Variants in HSPA4L observed in about 807,000 individuals in gnomAD.
The protein encoded by HSPA4L is heat shock protein family A (Hsp70) member 4 like.
HSPA4L carries 48 observed loss-of-function variants against 100.3 expected under a neutral mutation model. That is an observed-to-expected ratio of 0.48 (90% CI 0.38 to 0.61). The LOEUF is 0.61. HSPA4L is among the 20% of genes least tolerant of loss of function. The pLI is 0.00. For synonymous variants in HSPA4L, 319 were observed against 328.2 expected, an observed-to-expected ratio of 0.97 and a Z score of 0.30; for missense variants, 886 against 988.6, an observed-to-expected ratio of 0.90 and a Z score of 1.39.
At chr4:127,826,015 G>A (rs1315030686) in intron 16 of HSPA4L, among the ~76,000 whole-genome samples, 3 of 151,940 alleles carry the variant, frequency 2.0e-5, no homozygotes, top group Non-Finnish European at 4.4e-5. Context: ...TTCCTATTAT[G>A]GATTCTTCTG....
Position 127,836,770 on chromosome 4 carries a change from ATT to A in HSPA4L, c.*3898_*3899del, listed in dbSNP as rs1205992366. 2 of 152,152 alleles carry A rather than the reference ATT, an allele frequency of 1.3e-5. No individual in the cohort carries two copies. The highest frequency in any genetic ancestry group is 2.9e-5 in the Non-Finnish European group (2 of 68,032). The allele number at this position is 152,152 out of a possible 1,614,324, so 9.4% of individuals were successfully genotyped here. The stretch of plus-strand genomic sequence containing the variant: ...TACAACCATTCCTCCACTTTCATAA[ATT>A]TGACAAATAATAAGCCTCTCCCATT... On this transcript the variant is annotated 3_prime_UTR_variant, in exon 19 of 19. Transcript: ENST00000296464.
chr4:127,804,136 C>T, intron 8 of HSPA4L, 49 bp downstream of exon 8: 1 of 1,375,612 alleles, frequency 7.3e-7, no homozygotes, highest in Non-Finnish European at 1.0e-6. Flanking sequence ...ATGTTGCCTA[C>T]TTAGCGGGGG....
chr4:127,816,061 A>G (rs1478971479), intron 12 of HSPA4L, among the ~76,000 whole-genome samples: 1 of 152,192 alleles, frequency 6.6e-6, no homozygotes, highest in Admixed American at 6.5e-5. Context: ...AGGAAAAAAA[A>G]TGAAATTGAG....
chr4:127,801,324 A>G, intron 5 of HSPA4L, 87 bp downstream of exon 5: 2 of 925,050 alleles, frequency 2.2e-6, no homozygotes, highest in Non-Finnish European at 3.2e-6. Flanking sequence ...ATTTTTTTTT[A>G]ACTCCAAGGC....
intron 1 of HSPA4L, among the ~76,000 whole-genome samples, chr4:127,793,581 A>G (rs759704250): frequency 1.3e-5 from 2 of 152,232 alleles, no homozygotes; most frequent in Non-Finnish European, 2.9e-5. Context: ...AATGTTTACT[A>G]TGTGCCAATT....
intron 11 of HSPA4L, among the ~76,000 whole-genome samples, chr4:127,810,332 C>A (rs1733489276): frequency 6.6e-6 from 1 of 152,076 alleles, no homozygotes; most frequent in Non-Finnish European, 1.5e-5. Context: ...TTATATAAAG[C>A]AGTAAAATTA....
At chr4:127,827,165 C>T in intron 16 of HSPA4L, 140 bp from the exon 17 acceptor site, 1 of 641,770 alleles carries the variant, frequency 1.6e-6, no homozygotes, top group Non-Finnish European at 2.6e-6. Context: ...CTGTAACTTG[C>T]TTCCATACAG....
intron 16 of HSPA4L, among the ~76,000 whole-genome samples, chr4:127,827,081 GA>G (rs1733966926): frequency 6.6e-6 from 1 of 152,134 alleles, no homozygotes; most frequent in African/African-American, 2.4e-5. Context: ...GAGAAGCTAA[GA>G]AGTAATCTTA....
rs1421894844 is a variant in HSPA4L at position 127,805,179 on chromosome 4, C to A, written c.1092C>A (p.Thr364=). Reference sequence around the variant, plus strand: ...AATTCTTTCTTAAAGACATAAGTACCACATTAAATGCTGATGAAGCTGTTG... The same window carrying A: ...AATTCTTTCTTAAAGACATAAGTACAACATTAAATGCTGATGAAGCTGTTG... The part of the protein sequence containing the change: ...ITKFFLKDIS[T]TLNADEAVAR... The change falls in exon 9 of 19, where the codon ACC becomes ACA. Residue 364 remains threonine, a synonymous_variant. Coordinates refer to ENST00000296464, the MANE Select transcript of HSPA4L (RefSeq NM_014278.4). 6.2e-7 allele frequency: 1 copy of A among 1,611,404 alleles called. No individual in the cohort carries two copies.
Position 127,792,113 on chromosome 4 carries a change from A to G in HSPA4L, c.108-1964A>G, listed in dbSNP as rs551804404. 5.3e-5 allele frequency among the ~76,000 whole-genome samples: 8 copies of G among 152,322 alleles called. No individual in the cohort carries two copies. In the South Asian group the frequency reaches 1.7e-3, roughly 32 times the overall value. ...CACTGCTCTGGAATATTGCCTCTCC[A>G]GTTTGTATTATGTATCAGTATGTAG... On this transcript the variant is annotated intron_variant, in intron 1 of 18. Transcript: ENST00000296464.
At chr4:127,829,274 G>GT (rs767364242) in intron 17 of HSPA4L, among the ~76,000 whole-genome samples, 1 of 152,100 alleles carries the variant, frequency 6.6e-6, no homozygotes, top group Non-Finnish European at 1.5e-5. Flanking sequence ...GAAAATAGGG[G>GT]TAAGTGTAGC....
At chr4:127,826,800 C>T (rs1341373578) in intron 16 of HSPA4L, among the ~76,000 whole-genome samples, 6 of 151,994 alleles carry the variant, frequency 3.9e-5, no homozygotes, top group Admixed American at 6.6e-5. Flanking sequence ...CTCCTTAATC[C>T]AAGACATGTA....
intron 12 of HSPA4L, among the ~76,000 whole-genome samples, chr4:127,812,448 T>C (rs1733560212): frequency 6.6e-6 from 1 of 151,878 alleles, no homozygotes; most frequent in Non-Finnish European, 1.5e-5. Flanking sequence ...TTTTTAACTT[T>C]ATTAAAGAGT....
At chr4:127,824,195 A>G (rs1247053090) in intron 16 of HSPA4L, among the ~76,000 whole-genome samples, 1 of 152,202 alleles carries the variant, frequency 6.6e-6, no homozygotes, top group Non-Finnish European at 1.5e-5. Context: ...AAGGCTGAAT[A>G]GTATTCCGTT....
In HSPA4L at chr4:127,812,700, T is replaced by A. The variant is rs185082030; in HGVS notation, c.1578+1064T>A. On this transcript the variant is annotated intron_variant, in intron 12 of 18. Coordinates refer to ENST00000296464, the MANE Select transcript of HSPA4L (RefSeq NM_014278.4). ...TTTTGTAGCCCAGAGGTCCTTTATT[T>A]TTTTTTTTTTTTAACACCTATGCCA... 5,072 of 821,804 alleles carry A rather than the reference T, an allele frequency of 6.2e-3. 126 individuals carry two copies. The African/African-American group carries it at 0.078, about 13-fold the overall frequency. The allele number at this position is 821,804 out of a possible 1,614,324, so 50.9% of individuals were successfully genotyped here.
At position 127,833,130 on chromosome 4, in the gene HSPA4L, G is replaced by T; in HGVS notation, c.*256G>T. The T allele has an allele frequency of 3.3e-6, 1 of 307,484 alleles. No individual in the cohort carries two copies. Among genetic ancestry groups the T allele is most frequent in the Non-Finnish European group, 5.9e-6 (1 of 169,190 alleles). The allele number at this position is 307,484 out of a possible 1,614,324, so 19.0% of individuals were successfully genotyped here. A position where few individuals can be genotyped will look rare whatever the true frequency, so the allele number is the denominator to read the frequency against. On this transcript the variant is annotated 3_prime_UTR_variant, in exon 19 of 19. Transcript: ENST00000296464. ...ATAATTTTATATATCAAACATACAG[G>T]ATGGATACATAGTTGGCAACAGTCT... is the stretch of plus-strand genomic sequence containing the variant.
rs1003758083 is a variant in HSPA4L at position 127,835,449 on chromosome 4, C to G, written c.*2575C>G. 6.6e-6 allele frequency: 1 copy of G among 152,220 alleles called. No homozygotes were observed. Among genetic ancestry groups the G allele is most frequent in the Non-Finnish European group, 1.5e-5 (1 of 68,044 alleles). 9.4% of individuals were successfully genotyped at this position (152,220 alleles called of 1,614,324 possible). A position where few individuals can be genotyped will look rare whatever the true frequency, so the allele number is the denominator to read the frequency against. On this transcript the variant is annotated 3_prime_UTR_variant, in exon 19 of 19. Transcript: ENST00000296464. ...AGGCGCTGTGGCTCACGCCTGTAATCCTAGCACTTTGGGAGGCCAAGGCAG... is the reference window on the plus strand; with the variant it reads ...AGGCGCTGTGGCTCACGCCTGTAATGCTAGCACTTTGGGAGGCCAAGGCAG...
At chr4:127,796,426 T>C (rs544329948) in intron 3 of HSPA4L, among the ~76,000 whole-genome samples, 13 of 152,214 alleles carry the variant, frequency 8.5e-5, no homozygotes, top group South Asian at 6.2e-4. Flanking sequence ...TCATAACACA[T>C]GGAACTACTT....
intron 1 of HSPA4L, among the ~76,000 whole-genome samples, chr4:127,782,921 C>A (rs1732606750): frequency 6.6e-6 from 1 of 152,154 alleles, no homozygotes; most frequent in Admixed American, 6.5e-5. Flanking sequence ...ACGCACGTCC[C>A]CTGCCTCGTG....
Sources: allele counts gnomAD v4.1 joint callset (sites outside exome capture counted in the v4.1 genomes callset), GRCh38; gene constraint gnomAD v4.1.1; transcripts MANE v1.5; gene names NCBI Gene and HGNC (gene_info 2026-07-23, HGNC 2026-07-21).